The following SPATA7 variants were observed in gnomAD, a reference collection of about 807,000 sequenced individuals.
SPATA7 encodes spermatogenesis associated 7.
SPATA7 carries 43 observed loss-of-function variants against 51.8 expected under a neutral mutation model. The ratio of observed to expected loss-of-function variants is 0.83; its 90% CI spans 0.65 to 1.07. The LOEUF is 1.07. SPATA7 is among the 50% of genes least tolerant of loss of function. SPATA7 has a pLI of 0.00. For synonymous variants in SPATA7, 230 were observed against 252.8 expected (o/e 0.91, Z 0.86); for missense variants, 683 against 701.3 (o/e 0.97, Z 0.30).
chr14:88,428,595 T>A (rs1262879900), intron 7 of SPATA7: 1 of 152,168 alleles, frequency 6.6e-6, no homozygotes, highest in Admixed American at 6.5e-5. Context: ...CCTAGCCTGG[T>A]AAGGGCTTAA....
intron 4 of SPATA7, among the ~76,000 whole-genome samples, chr14:88,398,148 T>C (rs1278121531): frequency 2.0e-5 from 3 of 152,060 alleles, no homozygotes; most frequent in Admixed American, 6.5e-5. Flanking sequence ...CCTTTGATTG[T>C]CGTATTAATC....
intron 4 of SPATA7, chr14:88,467,332 A>G (rs929922052): frequency 4.6e-5 from 7 of 152,218 alleles, no homozygotes; most frequent in Non-Finnish European, 7.3e-5. Flanking sequence ...TTTTCAACCA[A>G]TAAAATCAAA....
At chr14:88,424,551 C>T (rs1212033454) in intron 5 of SPATA7, among the ~76,000 whole-genome samples, 2 of 152,122 alleles carry the variant, frequency 1.3e-5, no homozygotes, top group African/African-American at 4.8e-5. Flanking sequence ...CTTTCTCCTT[C>T]CTCTGATCTC....
At chr14:88,439,954 T>A (rs1004871085), downstream of SPATA7, among the ~76,000 whole-genome samples, 3 of 152,174 alleles carry the variant, frequency 2.0e-5, no homozygotes, top group Non-Finnish European at 4.4e-5. Context: ...TATCCCCTCT[T>A]GCAGTCCTCT....
chr14:88,406,193 T>A (rs2076193839), intron 4 of SPATA7, among the ~76,000 whole-genome samples: 1 of 152,170 alleles, frequency 6.6e-6, no homozygotes, highest in Admixed American at 6.5e-5. Flanking sequence ...GACTACTGAC[T>A]TGATCAGTTC....
rs1297247198 is a variant in SPATA7, at chr14:88,396,173, G to C, written c.208G>C (p.Val70Leu). ...LSAKAAVDCSVPVSVSTSIKY... is the reference protein window; with the variant it reads ...LSAKAAVDCSLPVSVSTSIKY... ...TCTTTCAGCTGCAGTAGACTGCTCG[G>C]TTCCAGTAAGCGTGAGTACCAGCAT... Residue 70 changes from valine (V) to leucine (L), a missense_variant, in exon 4 of 12, where the codon GTT becomes CTT. Physicochemically the swap from Val to Leu is conservative, Grantham distance 32. Transcript: ENST00000393545. 1.2e-6 allele frequency: 2 copies of C among 1,610,554 alleles called. No individual in the cohort carries two copies. Among genetic ancestry groups the C allele is most frequent in the Non-Finnish European group, 1.7e-6 (2 of 1,178,108 alleles).
At chr14:88,420,526 T>G (rs1165080574) in intron 5 of SPATA7, among the ~76,000 whole-genome samples, 1 of 152,200 alleles carries the variant, frequency 6.6e-6, no homozygotes, top group Non-Finnish European at 1.5e-5. Flanking sequence ...CATCTCTATC[T>G]CTCAGCTGAA....
At chr14:88,399,096 A>T (rs988311838) in intron 4 of SPATA7, among the ~76,000 whole-genome samples, 5 of 152,170 alleles carry the variant, frequency 3.3e-5, no homozygotes, top group Admixed American at 1.3e-4. Flanking sequence ...ACCTAAGGTT[A>T]ATTCATGCTA....
intron 4 of SPATA7, chr14:88,466,941 T>G (rs556310046): frequency 6.6e-6 from 1 of 152,308 alleles, no homozygotes; most frequent in South Asian, 2.1e-4. Flanking sequence ...ACTATAATGC[T>G]GAATTTATTT....
At chr14:88,411,590 G>A (rs2076342972) in intron 4 of SPATA7, among the ~76,000 whole-genome samples, 1 of 152,072 alleles carries the variant, frequency 6.6e-6, no homozygotes, top group South Asian at 2.1e-4. Flanking sequence ...GTTCCTCACA[G>A]GATAGTCCCT....
intron 3 of SPATA7, among the ~76,000 whole-genome samples, chr14:88,452,727 A>G (rs928401743): frequency 1.6e-4 from 24 of 152,120 alleles, no homozygotes; most frequent in African/African-American, 5.8e-4. Context: ...CCCTGCTGCT[A>G]GTATTTTTAA....
chr14:88,469,101 A>G lies in SPATA7; in HGVS notation c.255-746A>G, dbSNP rs2077412883. 3 of 1,598,294 alleles carry G rather than the reference A, an allele frequency of 1.9e-6. No homozygotes were observed. Among genetic ancestry groups the G allele is most frequent in the African/African-American group, 1.3e-5 (1 of 74,640 alleles). The stretch of plus-strand genomic sequence containing the variant: ...GCTGTGGAAAATCAATGAAATAGAA[A>G]AGTACTCAAGGATCAAGGCGTATCA... On this transcript the variant is annotated intron_variant, in intron 4 of 4. Coordinates refer to the SPATA7 transcript ENST00000556406. The surrounding 1 kb of genome is among the most constrained non-coding windows in gnomAD (Gnocchi z 4.3).
rs146008165 is a variant in SPATA7 at position 88,437,867 on chromosome 14, G to C, written c.1245G>C (p.Leu415=). 2.8e-5 allele frequency: 45 copies of C among 1,603,596 alleles called. No homozygotes were observed. Among genetic ancestry groups the C allele is most frequent in the Non-Finnish European group, 3.7e-5 (43 of 1,175,866 alleles). The stretch of plus-strand genomic sequence containing the variant: ...AAATGCGCCACCTGCTGCATGTCCT[G>C]AAAGTAGACTTAGGCTGCACATCGG... ...EEKMRHLLHV[L]KVDLGCTSEE... The change falls in exon 12 of 12, where the codon CTG becomes CTC. Residue 415 remains leucine, a synonymous_variant. Coordinates refer to ENST00000393545, the MANE Select transcript of SPATA7 (RefSeq NM_018418.5).
chr14:88,395,877 C>G (rs539101774), intron 3 of SPATA7, among the ~76,000 whole-genome samples: 11 of 151,788 alleles, frequency 7.2e-5, no homozygotes, highest in Non-Finnish European at 1.2e-4. Context: ...GCTTTTTTTT[C>G]CCCAAGCTTG....
chr14:88,399,116 T>C (rs1448237387), intron 4 of SPATA7, among the ~76,000 whole-genome samples: 1 of 150,912 alleles, frequency 6.6e-6, no homozygotes, highest in African/African-American at 2.4e-5. Flanking sequence ...AAATGATAAA[T>C]GAATAAAAGC....
chr14:88,418,933 T>C (rs2076560267), intron 5 of SPATA7, among the ~76,000 whole-genome samples: 1 of 152,230 alleles, frequency 6.6e-6, no homozygotes, highest in Admixed American at 6.5e-5. Context: ...TTCTTGAAAT[T>C]TATTGAGCAC....
intron 1 of SPATA7, among the ~76,000 whole-genome samples, chr14:88,386,463 T>A (rs2075579721): frequency 6.6e-6 from 1 of 152,156 alleles, no homozygotes; most frequent in Admixed American, 6.5e-5. Context: ...TGGGGGTGGC[T>A]GAGATTTTGC....
chr14:88,396,406 C>T (rs1332581182), intron 4 of SPATA7, among the ~76,000 whole-genome samples: 1 of 152,164 alleles, frequency 6.6e-6, no homozygotes, highest in Non-Finnish European at 1.5e-5. Context: ...ACAATAATTT[C>T]CTCCCATAGG....
intron 4 of SPATA7, among the ~76,000 whole-genome samples, chr14:88,465,423 T>A (rs1595327271): frequency 6.6e-6 from 1 of 152,160 alleles, no homozygotes; most frequent in African/African-American, 2.4e-5. Context: ...GCCGAGATCA[T>A]GCCACTGCAC....
Sources: allele counts gnomAD v4.1 joint callset (sites outside exome capture counted in the v4.1 genomes callset), GRCh38; gene constraint gnomAD v4.1.1; non-coding constraint Gnocchi (gnomAD v3.1); transcripts MANE v1.5; gene names NCBI Gene and HGNC (gene_info 2026-07-23, HGNC 2026-07-21).